The following COL11A1 variants were observed in gnomAD, a reference collection of about 807,000 sequenced individuals.
The protein encoded by COL11A1 is collagen alpha-1(XI) chain.
Under a neutral mutation model 265.2 loss-of-function variants are expected in COL11A1, and 74 were observed. That is an observed-to-expected ratio of 0.28 (90% CI 0.23 to 0.34). COL11A1 has a LOEUF of 0.34. COL11A1 is among the 10% of genes least tolerant of loss of function. COL11A1 has a pLI of 1.00. For synonymous variants in COL11A1, 816 were observed against 727.6 expected (o/e 1.12, Z -1.96); for missense variants, 2,165 against 2,263.6 (o/e 0.96, Z 0.88).
At chr1:103,075,590 A>G (rs1671912012) in intron 3 of COL11A1, among the ~76,000 whole-genome samples, 2 of 152,118 alleles carry the variant, frequency 1.3e-5, no homozygotes. Context: ...CCCTAACCAT[A>G]CTGTAAAATG....
chr1:102,995,363 C>T (rs1303215562), intron 28 of COL11A1, among the ~76,000 whole-genome samples: 1 of 152,010 alleles, frequency 6.6e-6, no homozygotes, highest in Admixed American at 6.6e-5. Context: ...ATTTTTATCT[C>T]TCTCATTAAC....
rs907052457 is a variant in COL11A1 at position 102,993,822 on chromosome 1, T to C, written c.2340+2042A>G. On this transcript the variant is annotated intron_variant, in intron 28 of 66. Coordinates refer to ENST00000370096, the MANE Select transcript of COL11A1 (RefSeq NM_001854.4). ...CCAAAGTGTTGGGATTATAGGCATG[T>C]GCCACTGTGCCCAGTCATATTATAA... 3.9e-5 allele frequency among the ~76,000 whole-genome samples: 6 copies of C among 152,306 alleles called. No individual in the cohort carries two copies. In the South Asian group the frequency reaches 1.2e-3, roughly 32 times the overall value.
At chr1:103,021,350 T>G (rs1045359884) in intron 9 of COL11A1, among the ~76,000 whole-genome samples, 2 of 152,114 alleles carry the variant, frequency 1.3e-5, no homozygotes, top group African/African-American at 4.8e-5. Context: ...ATCATTGGAT[T>G]GGAAAGTAGG....
chr1:102,904,778 G>T (rs2100969211), intron 54 of COL11A1, among the ~76,000 whole-genome samples: 1 of 152,116 alleles, frequency 6.6e-6, no homozygotes, highest in South Asian at 2.1e-4. Context: ...CTGTTGGTGG[G>T]ACTGTAAACT....
chr1:103,064,470 A>C (rs972728513), intron 4 of COL11A1, among the ~76,000 whole-genome samples: 5 of 151,968 alleles, frequency 3.3e-5, no homozygotes, highest in Non-Finnish European at 7.4e-5. Context: ...CGGGTGGATC[A>C]CGAGGTCAGG....
intron 4 of COL11A1, among the ~76,000 whole-genome samples, chr1:103,064,180 A>G (rs868069465): frequency 6.6e-6 from 1 of 152,218 alleles, no homozygotes; most frequent in African/African-American, 2.4e-5. Flanking sequence ...AAGCATATTC[A>G]TACAACAATC....
intron 11 of COL11A1, among the ~76,000 whole-genome samples, chr1:103,016,524 G>T (rs1283261935): frequency 6.6e-6 from 1 of 151,682 alleles, no homozygotes; most frequent in African/African-American, 2.4e-5. Context: ...TCAATATAAG[G>T]AGACATTTCT....
intron 1 of COL11A1, among the ~76,000 whole-genome samples, chr1:103,099,977 TA>T (rs1286997483): frequency 2.0e-5 from 3 of 151,726 alleles, no homozygotes; most frequent in East Asian, 1.9e-4. Context: ...GTCTTCTGGG[TA>T]AAAAAAGAAT....
chr1:103,004,829 T>C (rs1665446981), intron 18 of COL11A1, among the ~76,000 whole-genome samples, 168 bp from the exon 19 acceptor site: 1 of 152,100 alleles, frequency 6.6e-6, no homozygotes, highest in African/African-American at 2.4e-5. Flanking sequence ...TTAACAACTT[T>C]AACTGGCTTT....
intron 7 of COL11A1, among the ~76,000 whole-genome samples, chr1:103,023,215 C>T (rs1019479006): frequency 6.6e-6 from 1 of 152,112 alleles, no homozygotes; most frequent in African/African-American, 2.4e-5. Flanking sequence ...AGCACTTTCT[C>T]CAATAAACTG....
At chr1:102,929,197 T>G (rs1219255885) in intron 46 of COL11A1, among the ~76,000 whole-genome samples, 1 of 131,096 alleles carries the variant, frequency 7.6e-6, no homozygotes, top group Non-Finnish European at 1.6e-5. Flanking sequence ...AATGCCTAGG[T>G]TTTCTCCTAG....
At position 103,031,250 on chromosome 1, in the gene COL11A1, A is replaced by G. The variant is rs537778451; in HGVS notation, c.652-6T>C. On this transcript the variant is annotated splice_region_variant and splice_polypyrimidine_tract_variant and intron_variant, in intron 4 of 66. Transcript: ENST00000370096. ...AAAAACTGCTGAATGTCCCCCTGGG[A>G]AAAAAAAAAAAACAAAAACAAACAG... 2.4e-3 allele frequency: 74 copies of G among 30,760 alleles called. No homozygotes were observed. Among genetic ancestry groups the G allele is most frequent in the Admixed American group, 0.011 (5 of 438 alleles). 1.9% of individuals were successfully genotyped at this position (30,760 alleles called of 1,614,324 possible).
rs75382656 is a variant in COL11A1, at chr1:102,934,777, A to G, written c.3493-221T>C. ...AACTGATTTTGATTTGATCCTGTAT[A>G]CCAAGTGAAGTAAAAGCTGTCTAAT... is the stretch of plus-strand genomic sequence containing the variant. On this transcript the variant is annotated intron_variant, in intron 45 of 66. Coordinates refer to ENST00000370096, the MANE Select transcript of COL11A1 (RefSeq NM_001854.4). Among the ~76,000 whole-genome samples the G allele has an allele frequency of 0.03, 4,530 of 152,282 alleles. 256 individuals carry two copies. Among genetic ancestry groups the G allele is most frequent in the African/African-American group, 0.1 (4,304 of 41,530 alleles).
intron 44 of COL11A1, 57 bp downstream of exon 44, chr1:102,938,978 A>C: frequency 6.8e-7 from 1 of 1,478,172 alleles, no homozygotes; most frequent in South Asian, 1.1e-5. Flanking sequence ...TATCAATGGT[A>C]AACAGTAAAA....
At chr1:102,906,566 C>A (rs1166365076) in intron 54 of COL11A1, among the ~76,000 whole-genome samples, 1 of 152,036 alleles carries the variant, frequency 6.6e-6, no homozygotes, top group Non-Finnish European at 1.5e-5. Context: ...TGCCACCACA[C>A]CTGGGTAATT....
chr1:102,889,181 C>A (rs1199913350), intron 59 of COL11A1, among the ~76,000 whole-genome samples: 4 of 151,798 alleles, frequency 2.6e-5, no homozygotes. Flanking sequence ...TTCCTTTATC[C>A]CTCAGAATAT....
At chr1:102,939,423 A>G (rs932481887) in intron 43 of COL11A1, among the ~76,000 whole-genome samples, 1 of 152,236 alleles carries the variant, frequency 6.6e-6, no homozygotes, top group African/African-American at 2.4e-5. Context: ...TTACTTTACC[A>G]GCTAGGTTCT....
intron 4 of COL11A1, among the ~76,000 whole-genome samples, chr1:103,045,127 A>G (rs1366815511): frequency 2.0e-5 from 3 of 152,094 alleles, no homozygotes; most frequent in African/African-American, 7.2e-5. Context: ...ACACCTTGTG[A>G]ACCAACAATC....
chr1:102,887,851 C>T (rs1337987772), intron 62 of COL11A1, among the ~76,000 whole-genome samples: 1 of 152,044 alleles, frequency 6.6e-6, no homozygotes, highest in Non-Finnish European at 1.5e-5. Context: ...TGTGAAGAGA[C>T]ACAGGGGAAA....
Sources: gnomAD v4.1 joint callset for allele counts (sites outside exome capture counted in the v4.1 genomes callset) on GRCh38, gnomAD v4.1.1 for gene constraint, MANE v1.5 for transcripts, NCBI Gene and HGNC (gene_info 2026-07-23, HGNC 2026-07-21) for gene names.